Variants in TBC1D1 observed in about 807,000 individuals in gnomAD.
TBC1D1 encodes TBC1 (tre-2/USP6, BUB2, cdc16) domain family, member 1.
In TBC1D1, 89 loss-of-function variants were observed where a neutral mutation model predicts 125.6. The observed-to-expected ratio is 0.71, with a 90% CI of 0.60 to 0.85. The LOEUF is 0.85. Ranked by LOEUF, TBC1D1 falls within the 40% of genes least tolerant of loss-of-function variation. The pLI, the probability that TBC1D1 is intolerant of heterozygous loss-of-function variation, is 0.00. For missense variants in TBC1D1, 1,377 were observed against 1,469.2 expected (o/e 0.94, Z 1.03); for synonymous variants, 565 against 564.1 (o/e 1.00, Z -0.02).
At chr4:37,968,365 T>G (rs958658940) in intron 2 of TBC1D1, among the ~76,000 whole-genome samples, 4 of 152,370 alleles carry the variant, frequency 2.6e-5, no homozygotes, top group Non-Finnish European at 1.5e-5. Flanking sequence ...CAGCCAGCTA[T>G]TAATTTTGCA....
chr4:37,987,596 T>A (rs1013942127), intron 2 of TBC1D1, among the ~76,000 whole-genome samples: 5 of 152,198 alleles, frequency 3.3e-5, no homozygotes, highest in Non-Finnish European at 7.3e-5. Flanking sequence ...ATGGAAACTA[T>A]ATAAGAAGTG....
chr4:38,113,990 C>T (rs532607207), intron 15 of TBC1D1, among the ~76,000 whole-genome samples: 1 of 152,238 alleles, frequency 6.6e-6, no homozygotes, highest in Admixed American at 6.5e-5. Flanking sequence ...CTGTTACATC[C>T]TGCATGGGGG....
intron 10 of TBC1D1, among the ~76,000 whole-genome samples, chr4:38,046,377 A>C (rs1046878274): frequency 3.3e-5 from 5 of 152,086 alleles, no homozygotes; most frequent in Non-Finnish European, 7.4e-5. Flanking sequence ...GTGTAAAAAA[A>C]AAAAAGCAGT....
At chr4:38,043,000 C>T (rs1748685488) in intron 8 of TBC1D1, among the ~76,000 whole-genome samples, 1 of 152,094 alleles carries the variant, frequency 6.6e-6, no homozygotes, top group Non-Finnish European at 1.5e-5. Flanking sequence ...CTTCTGAGTT[C>T]AAGCGATTCT....
intron 14 of TBC1D1, among the ~76,000 whole-genome samples, chr4:38,099,065 G>A (rs577974343): frequency 1.3e-5 from 2 of 152,278 alleles, no homozygotes; most frequent in African/African-American, 4.8e-5. Context: ...ATTGCAGAGG[G>A]GCTGCCTGGG....
chr4:38,024,625 C>A (rs1417899587), intron 6 of TBC1D1, among the ~76,000 whole-genome samples: 1 of 152,226 alleles, frequency 6.6e-6, no homozygotes, highest in Non-Finnish European at 1.5e-5. Flanking sequence ...CATGATGGAA[C>A]TCATTTCTAA....
Position 38,115,940 on chromosome 4 carries a change from A to T in TBC1D1, c.2788A>T (p.Met930Leu), listed in dbSNP as rs747589201. The stretch of plus-strand genomic sequence containing the variant: ...GCTGCGGAAACAGTATCGGCCAGAC[A>T]TGATTATTTTACAGGTATAGAGTGT... Residue 930 changes from methionine to leucine, a missense_variant, in exon 16 of 20, where the codon ATG becomes TTG. Physicochemically the swap from Met to Leu is conservative, Grantham distance 15. Around this residue, in one of 3 missense-constraint regions of TBC1D1, gnomAD observed 543 missense variants for 613.5 expected, o/e 0.89. Transcript: ENST00000261439. 6.2e-7 allele frequency: 1 copy of T among 1,614,178 alleles called. No individual in the cohort carries two copies. Among genetic ancestry groups the T allele is most frequent in the Non-Finnish European group, 8.5e-7 (1 of 1,180,032 alleles).
In TBC1D1 at chr4:38,070,496, C is replaced by G. The variant is rs143069306; in HGVS notation, c.2050+16158C>G. On this transcript the variant is annotated intron_variant, in intron 12 of 19. Coordinates refer to ENST00000261439, the MANE Select transcript of TBC1D1 (RefSeq NM_015173.4). ...ACATCTTGCCAAGCCATGGAAAACA[C>G]TTGGGATTCATATCTAAATCCTAGT... is the stretch of plus-strand genomic sequence containing the variant. 8.9e-3 allele frequency among the ~76,000 whole-genome samples: 1,349 copies of G among 152,338 alleles called. 19 individuals carry two copies. The highest frequency in any genetic ancestry group is 0.031 in the African/African-American group (1,283 of 41,572).
chr4:38,110,701 A>G (rs1762059447), intron 15 of TBC1D1: 2 of 985,462 alleles, frequency 2.0e-6, no homozygotes, highest in Non-Finnish European at 1.2e-6. Flanking sequence ...GCTTTACAGA[A>G]AAATGTAAAG....
At chr4:37,982,536 C>A (rs1377781808) in intron 2 of TBC1D1, among the ~76,000 whole-genome samples, 1 of 152,114 alleles carries the variant, frequency 6.6e-6, no homozygotes, top group Non-Finnish European at 1.5e-5. Context: ...TCCTGTGGAG[C>A]ACTTTTTATC....
At chr4:37,943,469 A>G (rs925540885) in intron 2 of TBC1D1, among the ~76,000 whole-genome samples, 1 of 152,240 alleles carries the variant, frequency 6.6e-6, no homozygotes. Flanking sequence ...ACTTTCCAGT[A>G]CACCAATCAG....
intron 13 of TBC1D1, among the ~76,000 whole-genome samples, chr4:38,094,019 G>GT (rs931062745): frequency 6.6e-6 from 1 of 152,152 alleles, no homozygotes; most frequent in African/African-American, 2.4e-5. Flanking sequence ...TACAGTTGAT[G>GT]TTTTTTATTT....
chr4:38,036,614 C>G (rs940944690), intron 8 of TBC1D1, among the ~76,000 whole-genome samples: 2 of 152,170 alleles, frequency 1.3e-5, no homozygotes, highest in Non-Finnish European at 2.9e-5. Context: ...GACCCTAAAC[C>G]AAGTGTGCAG....
At chr4:38,135,547 A>G (rs1441955230) in intron 19 of TBC1D1, among the ~76,000 whole-genome samples, 1 of 152,218 alleles carries the variant, frequency 6.6e-6, no homozygotes, top group Non-Finnish European at 1.5e-5. Flanking sequence ...TTAATTCACT[A>G]CTAACTAAGC....
In TBC1D1 at chr4:38,137,716, G is replaced by A. The variant is rs16994264; in HGVS notation, c.*381G>A. The A allele has an allele frequency of 0.03, 5,272 of 175,772 alleles. 279 individuals are homozygous for A. The highest frequency in any genetic ancestry group is 0.12 in the African/African-American group (4,952 of 42,606). 10.9% of individuals were successfully genotyped at this position (175,772 alleles called of 1,614,324 possible). A position where few individuals can be genotyped will look rare whatever the true frequency, so the allele number is the denominator to read the frequency against. ...GGAAGAGCTCGAGATCATGCCTCAG[G>A]CAAAGGCGTGGGTCCATCGTTCTTC... On this transcript the variant is annotated 3_prime_UTR_variant, in exon 20 of 20. Transcript: ENST00000261439.
chr4:38,101,085 C>T (rs1469526728), intron 14 of TBC1D1, among the ~76,000 whole-genome samples: 2 of 152,138 alleles, frequency 1.3e-5, no homozygotes, highest in Admixed American at 1.3e-4. Flanking sequence ...ATGGTATGGG[C>T]CAATACACAT....
intron 2 of TBC1D1, among the ~76,000 whole-genome samples, chr4:37,929,211 C>T (rs1722760447): frequency 6.6e-6 from 1 of 152,150 alleles, no homozygotes. Flanking sequence ...ATTTATCTGT[C>T]TATTCATCTA....
intron 18 of TBC1D1, 122 bp downstream of exon 20, chr4:38,125,253 C>G: frequency 1.1e-6 from 1 of 902,268 alleles, no homozygotes; most frequent in South Asian, 1.7e-5. Context: ...CTGCATGATG[C>G]CTGGCATGGA....
chr4:38,004,657 T>C (rs1279358536), intron 2 of TBC1D1, among the ~76,000 whole-genome samples: 1 of 152,210 alleles, frequency 6.6e-6, no homozygotes, highest in Non-Finnish European at 1.5e-5. Flanking sequence ...CAGAACACTA[T>C]GATCCCACTT....
Sources: allele counts gnomAD v4.1 joint callset (sites outside exome capture counted in the v4.1 genomes callset), GRCh38; gene constraint gnomAD v4.1.1; regional missense constraint gnomAD v4.1.1; transcripts MANE v1.5; gene names NCBI Gene and HGNC (gene_info 2026-07-23, HGNC 2026-07-21).